PLEKHH2: variants seen among roughly 807,000 people sequenced by gnomAD.
PLEKHH2 encodes pleckstrin homology domain-containing family H member 2.
Under a neutral mutation model 187.9 loss-of-function variants are expected in PLEKHH2, and 129 were observed. That is an observed-to-expected ratio of 0.69 (90% CI 0.59 to 0.79). The LOEUF (loss-of-function observed/expected upper bound fraction) is 0.79, where lower values mean the gene tolerates loss of function less well. Ranked by LOEUF, PLEKHH2 falls within the 30% of genes least tolerant of loss-of-function variation. The probability of loss-of-function intolerance (pLI) is 0.00; values close to 1 mark genes in which losing one functional copy is unlikely to be tolerated. For missense variants in PLEKHH2, 2,076 were observed against 1,751.2 expected, an observed-to-expected ratio of 1.19 and a Z score of -3.31; for synonymous variants, 686 against 605.6, an observed-to-expected ratio of 1.13 and a Z score of -1.95.
At chr2:43,659,037 A>C (rs1436099864) in intron 2 of PLEKHH2, among the ~76,000 whole-genome samples, 1 of 136,724 alleles carries the variant, frequency 7.3e-6, no homozygotes, top group Non-Finnish European at 1.5e-5. Flanking sequence ...CAGTGACTTG[A>C]TCTCATCTCA....
intron 2 of PLEKHH2, among the ~76,000 whole-genome samples, chr2:43,659,748 AG>A (rs1408938254): frequency 6.6e-6 from 1 of 151,728 alleles, no homozygotes; most frequent in Non-Finnish European, 1.5e-5. Flanking sequence ...TAGTAGAGAC[AG>A]TGTTTGACCC....
At chr2:43,678,269 G>T (rs1254261511) in intron 2 of PLEKHH2, among the ~76,000 whole-genome samples, 1 of 152,034 alleles carries the variant, frequency 6.6e-6, no homozygotes, top group Admixed American at 6.5e-5. Context: ...CAGACCATGG[G>T]CGGCCAGGCA....
chr2:43,716,985 C>T (rs1331170762), intron 15 of PLEKHH2, among the ~76,000 whole-genome samples: 2 of 152,220 alleles, frequency 1.3e-5, no homozygotes, highest in Non-Finnish European at 2.9e-5. Context: ...AGCATAATCA[C>T]AGGCCCTGGA....
Position 43,728,541 on chromosome 2 carries a change from T to G in PLEKHH2, c.2722-1096T>G, listed in dbSNP as rs146828227. Among the ~76,000 whole-genome samples the G allele has an allele frequency of 2.4e-3, 357 of 148,632 alleles. 1 individual carries two copies. The highest frequency in any genetic ancestry group is 8.4e-3 in the African/African-American group (338 of 40,386). On this transcript the variant is annotated intron_variant, in intron 17 of 29. Coordinates refer to ENST00000282406, the MANE Select transcript of PLEKHH2 (RefSeq NM_172069.4). ...GTAAATGTAGCCAAAAATTTATGTA[T>G]AGTTTGTTCAACACAATACTCTTTT...
intron 22 of PLEKHH2, 88 bp from the exon 23 acceptor site, chr2:43,743,746 C>A: frequency 2.6e-6 from 3 of 1,156,182 alleles, no homozygotes; most frequent in Non-Finnish European, 3.5e-6. Flanking sequence ...ATTAATCATG[C>A]ATCAAGTATG....
intron 2 of PLEKHH2, among the ~76,000 whole-genome samples, chr2:43,676,732 A>C (rs1288026935): frequency 1.3e-5 from 2 of 152,016 alleles, no homozygotes; most frequent in African/African-American, 4.8e-5. Context: ...GGTCCTTCTT[A>C]AGGCTTTTAA....
chr2:43,670,801 G>C (rs1056016426), intron 2 of PLEKHH2, among the ~76,000 whole-genome samples: 1 of 151,944 alleles, frequency 6.6e-6, no homozygotes, highest in African/African-American at 2.4e-5. Flanking sequence ...CTGACTCATA[G>C]TTTAACTCTC....
chr2:43,761,696 C>T (rs980898745), intron 27 of PLEKHH2, among the ~76,000 whole-genome samples: 5 of 152,070 alleles, frequency 3.3e-5, no homozygotes, highest in Non-Finnish European at 7.4e-5. Context: ...CAGGCGAGAG[C>T]CACAACACCC....
chr2:43,733,476 A>G (rs1671146173), intron 19 of PLEKHH2, among the ~76,000 whole-genome samples: 2 of 152,074 alleles, frequency 1.3e-5, no homozygotes, highest in South Asian at 4.2e-4. Context: ...ACTCTACACC[A>G]GGATCTTGGT....
intron 3 of PLEKHH2, among the ~76,000 whole-genome samples, chr2:43,690,608 C>G (rs1668744954): frequency 6.6e-6 from 1 of 152,178 alleles, no homozygotes; most frequent in Non-Finnish European, 1.5e-5. Flanking sequence ...AGATTTTCAT[C>G]TTAACTATCA....
chr2:43,666,565 T>A (rs1038576922), intron 2 of PLEKHH2, among the ~76,000 whole-genome samples: 7 of 152,378 alleles, frequency 4.6e-5, no homozygotes, highest in African/African-American at 1.7e-4. Flanking sequence ...TTTGCATTCC[T>A]ACCAGTAATG....
chr2:43,654,777 A>G (rs1231950201), intron 2 of PLEKHH2, among the ~76,000 whole-genome samples: 3 of 149,116 alleles, frequency 2.0e-5, no homozygotes, highest in African/African-American at 7.4e-5. Flanking sequence ...CTGTAATCCC[A>G]GCACTTTGGG....
At position 43,765,568 on chromosome 2, in the gene PLEKHH2, C is replaced by A; in HGVS notation, c.4452C>A (p.Ser1484Arg). The A allele has an allele frequency of 6.2e-7, 1 of 1,613,040 alleles. No individual in the cohort carries two copies. Among genetic ancestry groups the A allele is most frequent in the Admixed American group, 1.7e-5 (1 of 59,910 alleles). ...MMGSQPLLSS[S>R]RPTKGPTLL ...GAAGCCAGCCTCTTCTGTCAAGCAG[C>A]AGACCGACCAAAGGCCCCACCTTAC... Residue 1484 changes from serine (S) to arginine (R), a missense_variant, in exon 30 of 30, where the codon AGC becomes AGA. Transcript: ENST00000282406.
intron 2 of PLEKHH2, among the ~76,000 whole-genome samples, chr2:43,671,716 A>T (rs1231039659): frequency 6.6e-6 from 1 of 152,158 alleles, no homozygotes; most frequent in Non-Finnish European, 1.5e-5. Flanking sequence ...TCGAAATGAT[A>T]TTTCTTTTCT....
chr2:43,703,684 T>C (rs2104496474), intron 8 of PLEKHH2, among the ~76,000 whole-genome samples: 1 of 151,888 alleles, frequency 6.6e-6, no homozygotes, highest in East Asian at 1.9e-4. Flanking sequence ...GTGTAGTCAG[T>C]GATTGTGAAA....
At chr2:43,654,529 TTAAGTGTAACCAC>T (rs1666647994) in intron 2 of PLEKHH2, among the ~76,000 whole-genome samples, 1 of 151,470 alleles carries the variant, frequency 6.6e-6, no homozygotes, top group South Asian at 2.1e-4. Context: ...TTTCTGTTCT[TTAAGTGTAACCAC>T]TTAAAACTCT....
Position 43,743,828 on chromosome 2 carries a change from G to T in PLEKHH2, c.3400-6G>T. 1.2e-6 allele frequency: 2 copies of T among 1,609,416 alleles called. No individual in the cohort carries two copies. Among genetic ancestry groups the T allele is most frequent in the Non-Finnish European group, 1.7e-6 (2 of 1,176,402 alleles). ...TTAAGAGAACTGCTTTGTTATTTCTGTCTAGGTAGTTGGTTTTGACGCATC... is the reference window on the plus strand; with the variant it reads ...TTAAGAGAACTGCTTTGTTATTTCTTTCTAGGTAGTTGGTTTTGACGCATC... On this transcript the variant is annotated splice_polypyrimidine_tract_variant and splice_region_variant and intron_variant, in intron 22 of 29. Coordinates refer to ENST00000282406, the MANE Select transcript of PLEKHH2 (RefSeq NM_172069.4).
intron 14 of PLEKHH2, chr2:43,711,216 T>G (rs917051403): frequency 2.0e-6 from 2 of 985,420 alleles, no homozygotes. Flanking sequence ...CATTATTTTC[T>G]TATATTGCTC....
chr2:43,681,766 C>G (rs1668203821), intron 3 of PLEKHH2: 2 of 437,432 alleles, frequency 4.6e-6, no homozygotes, highest in East Asian at 8.0e-5. Flanking sequence ...TGAGAGCCTA[C>G]TCTGGACCCT....
Sources: allele counts gnomAD v4.1 joint callset (sites outside exome capture counted in the v4.1 genomes callset), GRCh38; gene constraint gnomAD v4.1.1; transcripts MANE v1.5; gene names NCBI Gene and HGNC (gene_info 2026-07-23, HGNC 2026-07-21).